The following DUSP15 variants were observed in gnomAD, a reference collection of about 807,000 sequenced individuals.
DUSP15 encodes dual specificity phosphatase 15.
Under a neutral mutation model 26.3 loss-of-function variants are expected in DUSP15, and 23 were observed. The ratio of observed to expected loss-of-function variants is 0.87; its 90% CI spans 0.63 to 1.24. The LOEUF (loss-of-function observed/expected upper bound fraction) is 1.24, where lower values mean the gene tolerates loss of function less well. Among genes scored for constraint, DUSP15 ranks in the 50% most tolerant of loss-of-function variants. The pLI, the probability that DUSP15 is intolerant of heterozygous loss-of-function variation, is 0.00. For missense variants in DUSP15, 364 were observed against 320.6 expected (o/e 1.14, Z -1.03); for synonymous variants, 143 against 135.5 (o/e 1.06, Z -0.39).
intron 6 of DUSP15, among the ~76,000 whole-genome samples, chr20:31,853,419 A>C (rs2062508059): frequency 6.6e-6 from 1 of 152,124 alleles, no homozygotes; most frequent in South Asian, 2.1e-4. Context: ...GTAAGAGAAA[A>C]AATGATAAAA....
intron 7 of DUSP15, chr20:31,849,971 C>G (rs1357011897): frequency 5.8e-6 from 8 of 1,387,802 alleles, no homozygotes; most frequent in Non-Finnish European, 7.5e-6. Flanking sequence ...ACCCAGAGGT[C>G]GTCCCAGCCT....
At chr20:31,863,480 A>T (rs2062704155) in intron 5 of DUSP15, 1 of 162,744 alleles carries the variant, frequency 6.1e-6, no homozygotes, top group African/African-American at 2.4e-5. Flanking sequence ...ACATCAACTG[A>T]GCGAGGGGCA....
In DUSP15 at chr20:31,863,936, G is replaced by A; in HGVS notation, c.234C>T (p.Arg78=). Residue 78 remains arginine, a synonymous_variant, in exon 5 of 7, where the codon CGC becomes CGT. Coordinates refer to ENST00000339738, the MANE Select transcript of DUSP15 (RefSeq NM_080611.5). ...GCACAAGGCAGTTCCCCCCATTAAG[G>A]CGGCAGCAGTGGATGAAGTTGATAC... ...KECINFIHCC[R]LNGGNCLVHC... 1 of 1,613,798 alleles carries A rather than the reference G, an allele frequency of 6.2e-7. No individual in the cohort carries two copies. The highest frequency in any genetic ancestry group is 8.5e-7 in the Non-Finnish European group (1 of 1,179,958).
chr20:31,853,633 G>A (rs2062511277), intron 6 of DUSP15, among the ~76,000 whole-genome samples: 1 of 151,008 alleles, frequency 6.6e-6, no homozygotes, highest in South Asian at 2.1e-4. Context: ...GCTGCAGTAA[G>A]CCGTGATCAC....
Position 31,864,975 on chromosome 20 carries a change from C to T in DUSP15, c.166G>A (p.Ala56Thr), listed in dbSNP as rs148170076. The change falls in exon 4 of 7, where the codon GCT (alanine) becomes ACT (threonine). Residue 56 changes from alanine to threonine, a missense_variant. By Grantham distance (58) the Ala-to-Thr change is moderately conservative. Coordinates refer to ENST00000339738, the MANE Select transcript of DUSP15 (RefSeq NM_080611.5). ...TACATGGGTACCTCAGGGGTATCAG[C>T]GACCGGGATGCGAAGGTAGGTGATA... is the stretch of plus-strand genomic sequence containing the variant. ...QDITYLRIPV[A>T]DTPEVPIKKH... The T allele has an allele frequency of 1.2e-6, 2 of 1,614,014 alleles. No individual in the cohort carries two copies. The highest frequency in any genetic ancestry group is 1.7e-5 in the Admixed American group (1 of 60,000).
chr20:31,851,887 C>T (rs368274948), intron 6 of DUSP15, among the ~76,000 whole-genome samples: 1 of 152,182 alleles, frequency 6.6e-6, no homozygotes, highest in East Asian at 1.9e-4. Context: ...CCTGCTATTC[C>T]CTGGGCCCCA....
chr20:31,848,734 G>A, intron 9 of DUSP15: 1 of 1,518,566 alleles, frequency 6.6e-7, no homozygotes, highest in Non-Finnish European at 8.9e-7. Context: ...GGGACTGGAG[G>A]GAGTGTGGGA....
downstream of DUSP15, among the ~76,000 whole-genome samples, chr20:31,846,273 AACACAGAG>A (rs1030832977): frequency 8.7e-6 from 1 of 114,546 alleles, no homozygotes; most frequent in Non-Finnish European, 1.7e-5. Flanking sequence ...CACACACAGA[AACACAGAG>A]ACACAGACAC....
chr20:31,854,891 G>A (rs1462942855), intron 6 of DUSP15, among the ~76,000 whole-genome samples: 1 of 152,176 alleles, frequency 6.6e-6, no homozygotes, highest in African/African-American at 2.4e-5. Context: ...GCCAGCTTCT[G>A]GTCATACCAT....
downstream of DUSP15, among the ~76,000 whole-genome samples, chr20:31,846,442 T>TAGAGAGAGAGAGAGAGAGAGAGAG (rs71185371): frequency 2.0e-4 from 22 of 107,844 alleles, no homozygotes; most frequent in African/African-American, 8.8e-4. Flanking sequence ...AAGGAATGAA[T>TAGAGAGAGAGAGAGAGAGAGAGAG]AGAGAGAGAG....
At chr20:31,852,224 G>A (rs1440547736) in intron 6 of DUSP15, among the ~76,000 whole-genome samples, 13 of 152,066 alleles carry the variant, frequency 8.5e-5, no homozygotes, top group Admixed American at 8.5e-4. Flanking sequence ...GGCCAAGCTG[G>A]CCTCAAACTC....
intron 7 of DUSP15, chr20:31,850,557 C>T (rs2062452327): frequency 6.4e-6 from 10 of 1,554,772 alleles, no homozygotes; most frequent in Admixed American, 1.9e-5. Context: ...CCCCACCCCG[C>T]GGCCGTCCCC....
At chr20:31,864,485 C>A in intron 4 of DUSP15, 1 of 1,052,172 alleles carries the variant, frequency 9.5e-7, no homozygotes, top group Non-Finnish European at 1.1e-6. Flanking sequence ...TACTCCAGGC[C>A]CTATCCTAGA....
intron 5 of DUSP15, 59 bp from the exon 6 acceptor site, chr20:31,862,801 A>C: frequency 6.7e-7 from 1 of 1,501,684 alleles, no homozygotes; most frequent in Non-Finnish European, 8.9e-7. Context: ...CCATGCCCCC[A>C]GGCACCCCAC....
chr20:31,864,887 C>T (rs552473000), intron 4 of DUSP15, 66 bp downstream of exon 4: 37 of 1,544,082 alleles, frequency 2.4e-5, no homozygotes, highest in Non-Finnish European at 2.9e-5. Context: ...CTTCAAACCC[C>T]CTCCCCCTCC....
intron 6 of DUSP15, among the ~76,000 whole-genome samples, chr20:31,854,757 T>A (rs2062534190): frequency 6.6e-6 from 1 of 152,158 alleles, no homozygotes; most frequent in Non-Finnish European, 1.5e-5. Flanking sequence ...GGTGTGTGTG[T>A]CTGAGGGTAC....
intron 1 of DUSP15, chr20:31,869,835 G>C: frequency 7.0e-7 from 1 of 1,422,254 alleles, no homozygotes; most frequent in Non-Finnish European, 9.2e-7. Context: ...AGGCCAGCTT[G>C]GGTATGAGAG....
intron 9 of DUSP15, chr20:31,848,614 C>G: frequency 1.3e-6 from 2 of 1,504,288 alleles, no homozygotes; most frequent in Non-Finnish European, 1.8e-6. Context: ...TTTCCCGCCT[C>G]GGATGTTCCC....
At chr20:31,859,692 C>T (rs912676374), downstream of DUSP15, among the ~76,000 whole-genome samples, 1 of 152,200 alleles carries the variant, frequency 6.6e-6, no homozygotes, top group South Asian at 2.1e-4. Flanking sequence ...GGGTCTCGCT[C>T]TGTCACCCAG....
Sources: gnomAD v4.1 joint callset for allele counts (sites outside exome capture counted in the v4.1 genomes callset) on GRCh38, gnomAD v4.1.1 for gene constraint, MANE v1.5 for transcripts, NCBI Gene and HGNC (gene_info 2026-07-23, HGNC 2026-07-21) for gene names.